KCP: variants seen among roughly 807,000 people sequenced by gnomAD.
The protein encoded by KCP is kielin cysteine rich BMP regulator, also known as kielin/chordin-like protein.
In KCP, 194 loss-of-function variants were observed where a neutral mutation model predicts 212.7. The ratio of observed to expected loss-of-function variants is 0.91; its 90% CI spans 0.81 to 1.03. KCP has a LOEUF of 1.03. KCP is among the 50% of genes least tolerant of loss of function. The pLI is 0.00. For synonymous variants in KCP, 833 were observed against 865.3 expected (o/e 0.96, Z 0.65); for missense variants, 2,080 against 2,162.5 (o/e 0.96, Z 0.76).
In KCP at chr7:128,902,841, G is replaced by C. The variant is rs1413603397; in HGVS notation, c.767C>G (p.Ser256Cys). The change falls in exon 8 of 40, where the codon TCT becomes TGT. Residue 256 changes from serine to cysteine, a missense_variant. Physicochemically the swap from Ser to Cys is moderately radical, Grantham distance 112. Transcript: ENST00000610776. Reference protein sequence around the residue: ...PTCQGCTEGGSHWEHGQEWTT... With the variant: ...PTCQGCTEGGCHWEHGQEWTT... The stretch of plus-strand genomic sequence containing the variant: ...CCACTCTTGGCCATGTTCCCAGTGA[G>C]AGCCACCTTCTGTGCAGCCTAGGGT... 1.3e-6 allele frequency: 2 copies of C among 1,551,340 alleles called. No homozygotes were observed. Among genetic ancestry groups the C allele is most frequent in the Non-Finnish European group, 1.7e-6 (2 of 1,147,006 alleles).
At chr7:128,879,198 A>C in intron 37 of KCP, 1 of 410,446 alleles carries the variant, frequency 2.4e-6, no homozygotes, top group Non-Finnish European at 4.4e-6. Flanking sequence ...CCCCCCCAGG[A>C]GACTTCAGCT....
chr7:128,891,147 AC>A, intron 19 of KCP, 37 bp downstream of exon 19: 1 of 1,536,524 alleles, frequency 6.5e-7, no homozygotes. Flanking sequence ...CTCCGAGGGG[AC>A]CCCCAGGGAG....
chr7:128,894,370 A>G lies in KCP; in HGVS notation c.832-77T>C, dbSNP rs148355006. On this transcript the variant is annotated intron_variant, in intron 8 of 39. Coordinates refer to ENST00000610776, the MANE Select transcript of KCP (RefSeq NM_001366122.1). ...TGGAAATGGCATTAGAATCCCAGCT[A>G]TCCACTTATTAGATGTGTTTATGGG... 2.7e-4 allele frequency: 314 copies of G among 1,157,628 alleles called. No homozygotes were observed. The African/African-American group carries it at 4.2e-3, about 15-fold the overall frequency. The allele number at this position is 1,157,628 out of a possible 1,614,324, so 71.7% of individuals were successfully genotyped here. A position where few individuals can be genotyped will look rare whatever the true frequency, so the allele number is the denominator to read the frequency against.
At chr7:128,878,805 G>GAACACAGTGCC in intron 37 of KCP, 83 bp from the exon 38 acceptor site, 5 of 1,377,030 alleles carry the variant, frequency 3.6e-6, no homozygotes, top group Non-Finnish European at 4.9e-6. Context: ...CCCAGGCACT[G>GAACACAGTGCC]TGTTCAGTGC....
intron 1 of KCP, 33 bp from the exon 2 acceptor site, chr7:128,908,601 G>A: frequency 1.3e-6 from 2 of 1,540,654 alleles, no homozygotes; most frequent in South Asian, 1.2e-5. Flanking sequence ...GTGGGCCTGA[G>A]GGTGAGGGGC....
intron 29 of KCP, among the ~76,000 whole-genome samples, chr7:128,883,256 C>T (rs541792930): frequency 1.3e-5 from 2 of 151,892 alleles, no homozygotes; most frequent in African/African-American, 2.4e-5. Flanking sequence ...CCTCCTGCCT[C>T]AGCCTCCCGA....
intron 8 of KCP, among the ~76,000 whole-genome samples, chr7:128,901,558 G>A (rs978895403): frequency 6.6e-6 from 1 of 152,044 alleles, no homozygotes; most frequent in African/African-American, 2.4e-5. Flanking sequence ...CCTGGAAGGC[G>A]GAGCTTGCCG....
chr7:128,903,784 G>A lies in KCP; in HGVS notation c.691C>T (p.Pro231Ser). ...AGCACTGGCTCTGGGCAGGGGCTAGGCGGGCACTTCAGGGCCATGCAGCGA... is the reference window on the plus strand; with the variant it reads ...AGCACTGGCTCTGGGCAGGGGCTAGACGGGCACTTCAGGGCCATGCAGCGA... ...RVRCMALKCP[P>S]SPCPEPVLRP... The change falls in exon 7 of 40, where the codon CCT becomes TCT. Residue 231 changes from proline (P) to serine (S), a missense_variant. Pro to Ser is a moderately conservative substitution (Grantham distance 74). Coordinates refer to ENST00000610776, the MANE Select transcript of KCP (RefSeq NM_001366122.1). 1 of 1,551,430 alleles carries A rather than the reference G, an allele frequency of 6.4e-7. No homozygotes were observed. The highest frequency in any genetic ancestry group is 8.7e-7 in the Non-Finnish European group (1 of 1,146,926).
intron 5 of KCP, 115 bp downstream of exon 5, chr7:128,906,164 A>G: frequency 2.4e-6 from 2 of 844,560 alleles, no homozygotes; most frequent in East Asian, 2.7e-5. Flanking sequence ...GGCCACTGTC[A>G]GAGTGAGTGG....
At chr7:128,908,247 G>GA in intron 2 of KCP, among the ~76,000 whole-genome samples, 179 bp downstream of exon 2, 1 of 87,262 alleles carries the variant, frequency 1.1e-5, no homozygotes, top group South Asian at 4.6e-4. Flanking sequence ...AAGGAAGAAA[G>GA]AAAGAAGAAA....
chr7:128,887,394 GC>G, intron 22 of KCP, 94 bp from the exon 23 acceptor site: 2 of 880,918 alleles, frequency 2.3e-6, no homozygotes, highest in Non-Finnish European at 3.6e-6. Flanking sequence ...CACATACACA[GC>G]CACAGCCACA....
chr7:128,879,081 G>A (rs979709644), intron 37 of KCP: 14 of 360,826 alleles, frequency 3.9e-5, no homozygotes, highest in African/African-American at 1.4e-4. Context: ...ATTAGGGTCC[G>A]GATTAGAAGT....
At chr7:128,891,850 G>T in intron 16 of KCP, 31 bp from the exon 17 acceptor site, 1 of 1,416,318 alleles carries the variant, frequency 7.1e-7, no homozygotes, top group South Asian at 1.6e-5. Flanking sequence ...GCAGGTATGA[G>T]GGCAAAGCCT....
Position 128,893,799 on chromosome 7 carries a change from C to T in KCP, c.1099+7G>A, listed in dbSNP as rs767437300. The T allele has an allele frequency of 1.9e-5, 30 of 1,549,680 alleles. No individual in the cohort carries two copies. The highest frequency in any genetic ancestry group is 2.5e-5 in the Non-Finnish European group (29 of 1,146,550). ...CCCCTCCCGCAGAGACCCCGGCCCC[C>T]ACTCACCATCGCAGACAGGGCAGCA... On this transcript the variant is annotated splice_region_variant and intron_variant, in intron 11 of 39. Transcript: ENST00000610776.
intron 29 of KCP, 142 bp downstream of exon 29, chr7:128,883,859 GC>G: frequency 9.6e-7 from 1 of 1,044,938 alleles, no homozygotes; most frequent in Non-Finnish European, 1.3e-6. Flanking sequence ...TAGGGATGGT[GC>G]AGCCCTCGCC....
rs1270191569 is a variant in KCP, at chr7:128,886,901, G to T, written c.2664C>A (p.Gly888=). The change falls in exon 24 of 40, where the codon GGC becomes GGA. Residue 888 remains glycine (G), a synonymous_variant. Coordinates refer to ENST00000610776, the MANE Select transcript of KCP (RefSeq NM_001366122.1). The part of the protein sequence containing the change: ...PPALCPHPSP[G]PCFCPVCHSC... The stretch of plus-strand genomic sequence containing the variant: ...TGTGGCAAACAGGGCAGAAGCAGGG[G>T]CCTGGAGAGGGGTGGGGGCAGAGAG... 1.3e-6 allele frequency: 2 copies of T among 1,532,072 alleles called. No individual in the cohort carries two copies. The highest frequency in any genetic ancestry group is 2.8e-5 in the African/African-American group (2 of 72,072). The allele number at this position is 1,532,072 out of a possible 1,614,324, so 94.9% of individuals were successfully genotyped here.
Position 128,889,036 on chromosome 7 carries a change from C to A in KCP, c.2339G>T (p.Cys780Phe). Reference protein sequence around the residue: ...RGDCCPDCDGCEYLGESYLSN... With the variant: ...RGDCCPDCDGFEYLGESYLSN... ...CAGGTAGGACTCCCCCAGGTACTCA[C>A]AGCCTTTCAGAGAAGAGACAGAGAG... Residue 780 changes from cysteine (C) to phenylalanine (F), a missense_variant, in exon 22 of 40, where the codon TGT (cysteine) becomes TTT (phenylalanine). Physicochemically the swap from Cys to Phe is radical, Grantham distance 205. Transcript: ENST00000610776. 1 of 1,496,370 alleles carries A rather than the reference C, an allele frequency of 6.7e-7. No individual in the cohort carries two copies. Among genetic ancestry groups the A allele is most frequent in the Admixed American group, 2.4e-5 (1 of 41,012 alleles). The allele number at this position is 1,496,370 out of a possible 1,614,324, so 92.7% of individuals were successfully genotyped here.
rs376260469 is a variant in KCP, at chr7:128,879,823, G to A, written c.3939C>T (p.His1313=). 92 of 1,550,850 alleles carry A rather than the reference G, an allele frequency of 5.9e-5. No individual in the cohort carries two copies. Among genetic ancestry groups the A allele is most frequent in the East Asian group, 1.2e-4 (5 of 40,928 alleles). ...KDCHSGDFSV[H]VTNDDRGRSG... The stretch of plus-strand genomic sequence containing the variant: ...TCCGGCCCCGGTCATCATTGGTCAC[G>A]TGCACACTGTGGGCAGGAAAGTCCC... The change falls in exon 36 of 40, where the codon CAC becomes CAT. Residue 1313 remains histidine, a synonymous_variant. Transcript: ENST00000610776.
At chr7:128,903,954 G>A (rs1000341189) in intron 6 of KCP, 102 bp downstream of exon 6, 13 of 1,363,244 alleles carry the variant, frequency 9.5e-6, no homozygotes, top group African/African-American at 5.8e-5. Context: ...TCCACCTCTC[G>A]GGAGGCATGT....
Sources: gnomAD v4.1 joint callset for allele counts (sites outside exome capture counted in the v4.1 genomes callset) on GRCh38, gnomAD v4.1.1 for gene constraint, MANE v1.5 for transcripts, NCBI Gene and HGNC (gene_info 2026-07-23, HGNC 2026-07-21) for gene names.